LPL: variants seen among roughly 807,000 people sequenced by gnomAD.
The protein encoded by LPL is lipoprotein lipase.
A neutral mutation model predicts 52.2 loss-of-function variants in LPL; 43 were observed. The observed-to-expected ratio is 0.82, with a 90% CI of 0.64 to 1.06. LPL has a LOEUF of 1.06. Ranked by LOEUF, LPL falls within the 50% of genes least tolerant of loss-of-function variation. LPL has a pLI of 0.00. For synonymous variants in LPL, 244 were observed against 215.6 expected, an observed-to-expected ratio of 1.13 and a Z score of -1.15; for missense variants, 639 against 585.3, an observed-to-expected ratio of 1.09 and a Z score of -0.95.
chr8:19,963,072 T>C (rs939124376), intron 9 of LPL, among the ~76,000 whole-genome samples: 1 of 152,244 alleles, frequency 6.6e-6, no homozygotes, highest in African/African-American at 2.4e-5. Flanking sequence ...AGGGAAAGGC[T>C]AGACACAGTG....
chr8:19,953,862 C>T (rs2069958984), intron 4 of LPL, among the ~76,000 whole-genome samples: 1 of 152,190 alleles, frequency 6.6e-6, no homozygotes, highest in African/African-American at 2.4e-5. Context: ...TCGACATATT[C>T]AGAAATAATC....
Position 19,954,185 on chromosome 8 carries a change from G to A in LPL, c.607G>A (p.Ala203Thr), listed in dbSNP as rs118204056. Reference protein sequence around the residue: ...EAPSRLSPDDADFVDVLHTFT... With the variant: ...EAPSRLSPDDTDFVDVLHTFT... ...CCCGAGTCGTCTTTCTCCTGATGAT[G>A]CAGATTTTGTAGACGTCTTACACAC... Residue 203 changes from alanine (A) to threonine (T), a missense_variant, in exon 5 of 10, where the codon GCA becomes ACA. Ala to Thr is a moderately conservative substitution (Grantham distance 58). Transcript: ENST00000650287. The A allele has an allele frequency of 1.2e-6, 2 of 1,613,998 alleles. No individual in the cohort carries two copies. The highest frequency in any genetic ancestry group is 1.3e-5 in the African/African-American group (1 of 74,914).
intron 2 of LPL, 33 bp from the exon 3 acceptor site, chr8:19,951,736 G>A (rs764044489): frequency 3.7e-6 from 6 of 1,612,798 alleles, no homozygotes; most frequent in Non-Finnish European, 5.1e-6. Context: ...TGGTAGGTGG[G>A]TATTTTAAGA....
intron 1 of LPL, among the ~76,000 whole-genome samples, chr8:19,941,222 C>A (rs762450169): frequency 2.0e-5 from 3 of 152,208 alleles, no homozygotes; most frequent in Non-Finnish European, 4.4e-5. Flanking sequence ...TCTTCAACAT[C>A]TTAGGTGGGG....
Position 19,939,366 on chromosome 8 carries a change from C to T in LPL, c.-75C>T. ...TCAGCGCCAAACCGCGGCTCCAGCCCTCTCCAGCCTCCGGCTCAGCCGGCT... is the reference window on the plus strand; with the variant it reads ...TCAGCGCCAAACCGCGGCTCCAGCCTTCTCCAGCCTCCGGCTCAGCCGGCT... On this transcript the variant is annotated 5_prime_UTR_variant, in exon 1 of 10. Transcript: ENST00000650287. This position sits in a 1 kb window ranked among gnomAD's most constrained non-coding sequence, Gnocchi z 4.0. The T allele has an allele frequency of 4.8e-6, 7 of 1,456,752 alleles. No homozygotes were observed. Among genetic ancestry groups the T allele is most frequent in the South Asian group, 1.2e-5 (1 of 82,294 alleles). 90.2% of individuals were successfully genotyped at this position (1,456,752 alleles called of 1,614,324 possible).
At chr8:19,960,707 T>G (rs974107156) in intron 7 of LPL, among the ~76,000 whole-genome samples, 194 bp from the exon 8 acceptor site, 3 of 152,232 alleles carry the variant, frequency 2.0e-5, no homozygotes, top group Non-Finnish European at 4.4e-5. Flanking sequence ...GGATAAATGC[T>G]GGAATGTGGA....
rs145257746 is a variant in LPL at position 19,947,302 on chromosome 8, T to G, written c.89-878T>G. Reference sequence around the variant, plus strand: ...GGCAAATCACTTGAGGCCAGGAGTTTGAGAACAGCCTGGCCAACATGGTGA... The same window carrying G: ...GGCAAATCACTTGAGGCCAGGAGTTGGAGAACAGCCTGGCCAACATGGTGA... On this transcript the variant is annotated intron_variant, in intron 1 of 9. Coordinates refer to ENST00000650287, the MANE Select transcript of LPL (RefSeq NM_000237.3). 8.8e-3 allele frequency among the ~76,000 whole-genome samples: 1,333 copies of G among 151,942 alleles called. 16 individuals carry two copies. The highest frequency in any genetic ancestry group is 0.028 in the African/African-American group (1,171 of 41,428).
chr8:19,947,449 G>A (rs998908032), intron 1 of LPL, among the ~76,000 whole-genome samples: 1 of 152,064 alleles, frequency 6.6e-6, no homozygotes, highest in Non-Finnish European at 1.5e-5. Context: ...CGACCACCCT[G>A]GGCAACATGG....
chr8:19,940,737 G>T (rs112195634), intron 1 of LPL, among the ~76,000 whole-genome samples: 1 of 152,126 alleles, frequency 6.6e-6, no homozygotes, highest in African/African-American at 2.4e-5. Context: ...TAGCTTTGAT[G>T]GCCGCTAAAC....
In LPL at chr8:19,948,086, A is replaced by C. The variant is rs2069898953; in HGVS notation, c.89-94A>C. On this transcript the variant is annotated intron_variant, in intron 1 of 9. Transcript: ENST00000650287. ...ACACTTCAGAAACAAAAATAGCATCAGCGGTGGTTGCCTGTGAACCTAAAA... is the reference window on the plus strand; with the variant it reads ...ACACTTCAGAAACAAAAATAGCATCCGCGGTGGTTGCCTGTGAACCTAAAA... 2.3e-6 allele frequency: 3 copies of C among 1,301,338 alleles called. No homozygotes were observed. In the Admixed American group the frequency reaches 5.0e-5, roughly 22 times the overall value. The allele number at this position is 1,301,338 out of a possible 1,614,324, so 80.6% of individuals were successfully genotyped here.
chr8:19,958,849 A>C (rs2070011576), intron 6 of LPL, among the ~76,000 whole-genome samples: 1 of 152,210 alleles, frequency 6.6e-6, no homozygotes, highest in Admixed American at 6.5e-5. Context: ...ATAGTGACAC[A>C]GAAGCAAATG....
At chr8:19,954,839 T>G (rs185300054) in intron 5 of LPL, among the ~76,000 whole-genome samples, 2 of 152,312 alleles carry the variant, frequency 1.3e-5, no homozygotes, top group Admixed American at 1.3e-4. Flanking sequence ...TTGTTTGTTT[T>G]TTGAGATAGA....
In LPL at chr8:19,948,204, A is replaced by T; in HGVS notation, c.113A>T (p.Glu38Val). ...ADQRRDFIDI[E>V]SKFALRTPED... Reference sequence around the variant, plus strand: ...GAAAGAAGAGATTTTATCGACATCGAAAGTAAATTTGCCCTAAGGACCCCT... The same window carrying T: ...GAAAGAAGAGATTTTATCGACATCGTAAGTAAATTTGCCCTAAGGACCCCT... The change falls in exon 2 of 10, where the codon GAA (glutamate) becomes GTA (valine). Residue 38 changes from glutamate to valine, a missense_variant. By Grantham distance (121) the Glu-to-Val change is moderately radical. Coordinates refer to ENST00000650287, the MANE Select transcript of LPL (RefSeq NM_000237.3). The T allele has an allele frequency of 1.2e-6, 2 of 1,614,186 alleles. No individual in the cohort carries two copies. Among genetic ancestry groups the T allele is most frequent in the African/African-American group, 1.3e-5 (1 of 75,048 alleles).
rs1286718069 is a variant in LPL at position 19,939,680 on chromosome 8, G to C, written c.88+152G>C. The C allele has an allele frequency of 3.8e-6, 3 of 780,806 alleles. No individual in the cohort carries two copies. Among genetic ancestry groups the C allele is most frequent in the Non-Finnish European group, 6.1e-6 (3 of 492,224 alleles). 48.4% of individuals were successfully genotyped at this position (780,806 alleles called of 1,614,324 possible). The stretch of plus-strand genomic sequence containing the variant: ...GGCTCTAGCCCCGAAACGGTCCCCG[G>C]AGTGGGATCCAGGAGGGGCCGGGAG... On this transcript the variant is annotated intron_variant, in intron 1 of 9. Transcript: ENST00000650287. The surrounding 1 kb of genome is among the most constrained non-coding windows in gnomAD (Gnocchi z 4.0).
chr8:19,953,553 A>G (rs890795223), intron 4 of LPL, 132 bp downstream of exon 4: 1 of 698,228 alleles, frequency 1.4e-6, no homozygotes, highest in Non-Finnish European at 2.6e-6. Flanking sequence ...GCACTTGATT[A>G]TCTCATTGTA....
In LPL at chr8:19,956,896, T is replaced by C. The variant is rs533396728; in HGVS notation, c.1018+813T>C. The stretch of plus-strand genomic sequence containing the variant: ...TGGAGGAGAGGGGCATGATCTTGGC[T>C]CACCACAACCTCTGCCTCCCGGGTT... On this transcript the variant is annotated intron_variant, in intron 6 of 9. Transcript: ENST00000650287. 3.6e-4 allele frequency among the ~76,000 whole-genome samples: 55 copies of C among 152,306 alleles called. 1 individual carries two copies. Among genetic ancestry groups the C allele is most frequent in the African/African-American group, 1.3e-3 (55 of 41,562 alleles).
In LPL at chr8:19,939,455, C is replaced by G. The variant is rs554223627; in HGVS notation, c.15C>G (p.Ala5=). The change falls in exon 1 of 10, where the codon GCC becomes GCG. Residue 5 remains alanine, a synonymous_variant. Transcript: ENST00000650287. This position sits in a 1 kb window ranked among gnomAD's most constrained non-coding sequence, Gnocchi z 4.0. The part of the protein sequence containing the change: MESK[A]LLVLTLAVWL... ...CGCGCCCCGAGATGGAGAGCAAAGC[C>G]CTGCTCGTGCTGACTCTGGCCGTGT... The G allele has an allele frequency of 6.2e-7, 1 of 1,610,564 alleles. No homozygotes were observed. Among genetic ancestry groups the G allele is most frequent in the Admixed American group, 1.7e-5 (1 of 59,664 alleles).
chr8:19,960,227 C>T (rs1342014149), intron 7 of LPL, among the ~76,000 whole-genome samples: 1 of 152,170 alleles, frequency 6.6e-6, no homozygotes, highest in Non-Finnish European at 1.5e-5. Flanking sequence ...GCATCATTCA[C>T]GGCTAGAACC....
chr8:19,961,117 A>T lies in LPL; in HGVS notation c.1322+34A>T, dbSNP rs1563581796. 10 of 1,598,838 alleles carry T rather than the reference A, an allele frequency of 6.3e-6. No individual in the cohort carries two copies. The South Asian group carries it at 1.1e-4, about 18-fold the overall frequency. The stretch of plus-strand genomic sequence containing the variant: ...ATGTATTTTTCTTCCTTCACTTTAG[A>T]CCCCCACCTGATGTCAGGACCTAGG... On this transcript the variant is annotated intron_variant, in intron 8 of 9. Coordinates refer to ENST00000650287, the MANE Select transcript of LPL (RefSeq NM_000237.3).
Sources: allele counts gnomAD v4.1 joint callset (sites outside exome capture counted in the v4.1 genomes callset), GRCh38; gene constraint gnomAD v4.1.1; non-coding constraint Gnocchi (gnomAD v3.1); transcripts MANE v1.5; gene names NCBI Gene and HGNC (gene_info 2026-07-23, HGNC 2026-07-21).